The following ANKIB1 variants were observed in gnomAD, a reference collection of about 807,000 sequenced individuals.
ANKIB1 encodes ankyrin repeat and IBR domain containing 1.
ANKIB1 carries 43 observed loss-of-function variants against 122.1 expected under a neutral mutation model. That is an observed-to-expected ratio of 0.35 (90% CI 0.28 to 0.45). ANKIB1 has a LOEUF of 0.45. Ranked by LOEUF, ANKIB1 falls within the 20% of genes least tolerant of loss-of-function variation. ANKIB1 has a pLI of 1.00. For missense variants in ANKIB1, 992 were observed against 1,329.5 expected (o/e 0.75, Z 3.95); for synonymous variants, 390 against 442.0 (o/e 0.88, Z 1.48).
chr7:92,337,989 T>C (rs558952482), intron 5 of ANKIB1, among the ~76,000 whole-genome samples: 8 of 152,200 alleles, frequency 5.3e-5, no homozygotes, highest in Non-Finnish European at 1.0e-4. Flanking sequence ...TATCTGAATG[T>C]GTTTTAAATC....
At chr7:92,328,883 C>G (rs1053572463) in intron 5 of ANKIB1, among the ~76,000 whole-genome samples, 1 of 149,126 alleles carries the variant, frequency 6.7e-6, no homozygotes, top group Admixed American at 6.7e-5. Context: ...ATACAACTCT[C>G]CAGAATCACT....
At chr7:92,319,158 C>T (rs1469986815) in intron 3 of ANKIB1, among the ~76,000 whole-genome samples, 172 bp from the exon 4 acceptor site, 2 of 151,622 alleles carry the variant, frequency 1.3e-5, no homozygotes, top group African/African-American at 2.4e-5. Context: ...ATCTTAAAAT[C>T]AGAAGCCACT....
chr7:92,342,173 A>G (rs1224752068), intron 5 of ANKIB1, among the ~76,000 whole-genome samples: 3 of 152,186 alleles, frequency 2.0e-5, no homozygotes, highest in Non-Finnish European at 4.4e-5. Context: ...GTGTGTGATC[A>G]TGGGACGAAC....
intron 7 of ANKIB1, among the ~76,000 whole-genome samples, chr7:92,345,783 T>C (rs1408772367): frequency 6.6e-6 from 1 of 151,992 alleles, no homozygotes; most frequent in East Asian, 1.9e-4. Context: ...ATCTTAGAAA[T>C]CAGAAGTTTT....
intron 18 of ANKIB1, among the ~76,000 whole-genome samples, chr7:92,397,478 T>G (rs1287832032): frequency 4.7e-5 from 7 of 148,312 alleles, no homozygotes; most frequent in Non-Finnish European, 1.0e-4. Flanking sequence ...AAAGCAAGAC[T>G]CCATCTCAAA....
intron 4 of ANKIB1, among the ~76,000 whole-genome samples, chr7:92,326,324 C>T (rs929674022): frequency 2.0e-5 from 3 of 152,146 alleles, no homozygotes; most frequent in African/African-American, 4.8e-5. Flanking sequence ...AGCTAATTTT[C>T]CCCTATAAGT....
intron 1 of ANKIB1, among the ~76,000 whole-genome samples, chr7:92,260,033 C>G (rs1437685431): frequency 3.3e-5 from 5 of 152,168 alleles, no homozygotes; most frequent in Non-Finnish European, 7.3e-5. Flanking sequence ...TTCTCACCCC[C>G]ATTAGTCTTC....
chr7:92,288,817 A>C (rs560715166), intron 1 of ANKIB1, among the ~76,000 whole-genome samples: 4 of 152,258 alleles, frequency 2.6e-5, no homozygotes, highest in Non-Finnish European at 5.9e-5. Flanking sequence ...GTACAATACT[A>C]CTACACATCC....
intron 5 of ANKIB1, among the ~76,000 whole-genome samples, chr7:92,340,558 A>G (rs1457203151): frequency 6.6e-6 from 1 of 152,228 alleles, no homozygotes; most frequent in Non-Finnish European, 1.5e-5. Flanking sequence ...CAATTCATCA[A>G]TTTGTCTAGG....
At chr7:92,363,802 G>T (rs1750100406) in intron 10 of ANKIB1, among the ~76,000 whole-genome samples, 1 of 151,496 alleles carries the variant, frequency 6.6e-6, no homozygotes, top group East Asian at 2.2e-4. Flanking sequence ...GGGTCATTTT[G>T]TCCACTGACT....
chr7:92,337,378 T>C (rs1391281289), intron 5 of ANKIB1, among the ~76,000 whole-genome samples: 1 of 152,196 alleles, frequency 6.6e-6, no homozygotes, highest in Non-Finnish European at 1.5e-5. Context: ...TTCTTACTAT[T>C]TAAGAGCTCT....
intron 5 of ANKIB1, among the ~76,000 whole-genome samples, chr7:92,338,972 T>TATATATA (rs1562786409): frequency 3.6e-5 from 3 of 83,088 alleles, no homozygotes; most frequent in African/African-American, 1.1e-4. Context: ...ATATATATAT[T>TATATATA]TATATGAATC....
intron 10 of ANKIB1, among the ~76,000 whole-genome samples, chr7:92,371,175 C>CTT (rs34197906): frequency 6.8e-6 from 1 of 146,048 alleles, no homozygotes; most frequent in African/African-American, 2.5e-5. Context: ...TAATATGTTG[C>CTT]TTTTTTTTTT....
chr7:92,269,757 C>G (rs914806102), intron 1 of ANKIB1, among the ~76,000 whole-genome samples: 4 of 151,854 alleles, frequency 2.6e-5, no homozygotes, highest in Non-Finnish European at 5.9e-5. Context: ...GTTCAACTAT[C>G]TCTTCTATAA....
chr7:92,381,705 A>G (rs1804519403), intron 11 of ANKIB1, among the ~76,000 whole-genome samples: 1 of 152,244 alleles, frequency 6.6e-6, no homozygotes, highest in Admixed American at 6.5e-5. Flanking sequence ...AGATTTTGTC[A>G]CCACCAGACC....
chr7:92,309,498 A>C (rs562231360), intron 3 of ANKIB1, among the ~76,000 whole-genome samples: 3 of 152,226 alleles, frequency 2.0e-5, no homozygotes, highest in African/African-American at 7.2e-5. Flanking sequence ...TTCTCTGTAC[A>C]TTGTCCTGTG....
chr7:92,400,718 G>A lies in ANKIB1; in HGVS notation c.*1769G>A, dbSNP rs1804995439. The A allele has an allele frequency of 6.6e-6, 1 of 152,060 alleles. No homozygotes were observed. The highest frequency in any genetic ancestry group is 1.9e-4 in the East Asian group (1 of 5,202). 9.4% of individuals were successfully genotyped at this position (152,060 alleles called of 1,614,324 possible). On this transcript the variant is annotated 3_prime_UTR_variant, in exon 20 of 20. Coordinates refer to ENST00000265742, the MANE Select transcript of ANKIB1 (RefSeq NM_019004.2). ...ACTGTGGGAATCCTCCTATGCCATG[G>A]ATATCAAAGGTCCACATTAGTTTTT...
chr7:92,270,098 T>C (rs773033009), intron 1 of ANKIB1, among the ~76,000 whole-genome samples: 19 of 152,076 alleles, frequency 1.2e-4, no homozygotes, highest in Non-Finnish European at 2.6e-4. Flanking sequence ...GTCTCACTGT[T>C]GTCACCCAAG....
rs752930277 is a variant in ANKIB1 at position 92,325,898 on chromosome 7, T to A, written c.670-1885T>A. The A allele has an allele frequency of 1.6e-5, 7 of 438,168 alleles. No homozygotes were observed. In the East Asian group the frequency reaches 4.9e-4, roughly 31 times the overall value. 27.1% of individuals were successfully genotyped at this position (438,168 alleles called of 1,614,324 possible). On this transcript the variant is annotated intron_variant, in intron 4 of 19. Coordinates refer to ENST00000265742, the MANE Select transcript of ANKIB1 (RefSeq NM_019004.2). ...TAATTTTATTCACGTTTCTTTTTAA[T>A]TTAGTTTTCTTTTTCTTTCTTTATG...
Sources: gnomAD v4.1 joint callset for allele counts (sites outside exome capture counted in the v4.1 genomes callset) on GRCh38, gnomAD v4.1.1 for gene constraint, MANE v1.5 for transcripts, NCBI Gene and HGNC (gene_info 2026-07-23, HGNC 2026-07-21) for gene names.